Variants in STRBP observed in about 807,000 individuals in gnomAD.
STRBP encodes spermatid perinuclear RNA binding protein.
Under a neutral mutation model 80.1 loss-of-function variants are expected in STRBP, and 13 were observed. The ratio of observed to expected loss-of-function variants is 0.16; its 90% CI spans 0.11 to 0.26. The LOEUF is 0.26. Among genes scored for constraint, STRBP ranks in the 10% least tolerant of loss-of-function variants. The pLI is 1.00. For missense variants in STRBP, 485 were observed against 815.2 expected (o/e 0.59, Z 4.93); for synonymous variants, 284 against 291.2 (o/e 0.98, Z 0.25).
chr9:123,133,881 C>G (rs2036246548), intron 16 of STRBP, among the ~76,000 whole-genome samples: 1 of 152,094 alleles, frequency 6.6e-6, no homozygotes, highest in Non-Finnish European at 1.5e-5. Context: ...AAAGCCCCTT[C>G]TTTCTCTAAA....
chr9:123,191,244 G>A (rs1028617752), intron 2 of STRBP, among the ~76,000 whole-genome samples: 3 of 152,170 alleles, frequency 2.0e-5, no homozygotes, highest in Admixed American at 1.3e-4. Flanking sequence ...TCACTGCAAA[G>A]GTGGCACCTA....
chr9:123,229,066 G>C (rs554159087), intron 2 of STRBP, among the ~76,000 whole-genome samples: 5 of 152,186 alleles, frequency 3.3e-5, no homozygotes, highest in Non-Finnish European at 7.3e-5. Context: ...TATGCTAAGG[G>C]AAAGAAGCTA....
chr9:123,158,115 G>A lies in STRBP; in HGVS notation c.942C>T (p.Leu314=). ...EDITHSAQHA[L]RLSAFGQIYK... ...AAATCTGGCCAAAGGCTGATAGTCT[G>A]AGTGCATGCTAAAGAACAAAGTATT... Residue 314 remains leucine (L), a synonymous_variant, in exon 11 of 19, where the codon CTC becomes CTT. Coordinates refer to ENST00000348403, the MANE Select transcript of STRBP (RefSeq NM_018387.5). 1 of 1,609,218 alleles carries A rather than the reference G, an allele frequency of 6.2e-7. No homozygotes were observed. Among genetic ancestry groups the A allele is most frequent in the Non-Finnish European group, 8.5e-7 (1 of 1,177,112 alleles).
chr9:123,207,524 C>CA (rs2039561550), intron 2 of STRBP, among the ~76,000 whole-genome samples: 1 of 151,536 alleles, frequency 6.6e-6, no homozygotes, highest in South Asian at 2.1e-4. Flanking sequence ...AAAGTAATGA[C>CA]AAAAAATTCA....
intron 2 of STRBP, among the ~76,000 whole-genome samples, chr9:123,229,071 A>T (rs1046947590): frequency 6.6e-6 from 1 of 152,234 alleles, no homozygotes; most frequent in South Asian, 2.1e-4. Flanking sequence ...TAAGGGAAAG[A>T]AGCTAGTCAC....
chr9:123,218,373 T>C (rs1174590240), intron 2 of STRBP, among the ~76,000 whole-genome samples: 7 of 142,824 alleles, frequency 4.9e-5, no homozygotes, highest in Non-Finnish European at 6.1e-5. Context: ...TTTTTTTTTT[T>C]TTTTTTTGAG....
intron 6 of STRBP, among the ~76,000 whole-genome samples, chr9:123,167,774 C>A (rs2037831942): frequency 6.6e-6 from 1 of 152,130 alleles, no homozygotes; most frequent in Admixed American, 6.5e-5. Flanking sequence ...TTCAGTAACT[C>A]AAACACCTTG....
At chr9:123,128,118 T>TC (rs2035969198) in intron 18 of STRBP, 96 bp downstream of exon 18, 2 of 1,424,280 alleles carry the variant, frequency 1.4e-6, no homozygotes, top group Admixed American at 1.8e-5. Flanking sequence ...AAATCTGAGA[T>TC]CCTCCAATTA....
intron 1 of STRBP, among the ~76,000 whole-genome samples, chr9:123,259,657 C>T (rs1300191878): frequency 6.6e-6 from 1 of 152,014 alleles, no homozygotes; most frequent in African/African-American, 2.4e-5. Context: ...TGCGGTAAGC[C>T]GAGATCACGC....
intron 1 of STRBP, among the ~76,000 whole-genome samples, chr9:123,259,758 G>A (rs1464515765): frequency 6.6e-6 from 1 of 152,166 alleles, no homozygotes; most frequent in Admixed American, 6.6e-5. Flanking sequence ...CCACGAGGCA[G>A]TCCAATATTA....
intron 2 of STRBP, among the ~76,000 whole-genome samples, chr9:123,227,447 G>C (rs1357484544): frequency 1.3e-5 from 2 of 151,968 alleles, no homozygotes; most frequent in Non-Finnish European, 2.9e-5. Flanking sequence ...GAGGTAACAG[G>C]GTCAGATGAA....
intron 12 of STRBP, 53 bp downstream of exon 12, chr9:123,147,725 G>A: frequency 2.2e-6 from 2 of 918,320 alleles, no homozygotes; most frequent in East Asian, 3.0e-5. Flanking sequence ...TTTTCTATCT[G>A]AAGCTACAAG....
chr9:123,248,922 G>C (rs1277117098), intron 1 of STRBP, among the ~76,000 whole-genome samples: 2 of 152,196 alleles, frequency 1.3e-5, no homozygotes, highest in Non-Finnish European at 2.9e-5. Context: ...ATCTTTAGCA[G>C]TACCTAATAC....
intron 11 of STRBP, among the ~76,000 whole-genome samples, chr9:123,151,429 G>C (rs887781721): frequency 1.3e-5 from 2 of 152,150 alleles, no homozygotes; most frequent in African/African-American, 2.4e-5. Context: ...ACGACCATGT[G>C]CTGGGGCATA....
chr9:123,256,890 C>G (rs1188709620), intron 1 of STRBP, among the ~76,000 whole-genome samples: 1 of 151,904 alleles, frequency 6.6e-6, no homozygotes, highest in African/African-American at 2.4e-5. Context: ...GTGGCTCCAG[C>G]CAGGAATCTT....
intron 2 of STRBP, among the ~76,000 whole-genome samples, chr9:123,219,249 T>C (rs1265073036): frequency 6.6e-6 from 1 of 152,152 alleles, no homozygotes; most frequent in Non-Finnish European, 1.5e-5. Flanking sequence ...CTTGCTGCCA[T>C]TCCCCAAATC....
intron 6 of STRBP, 53 bp from the exon 7 acceptor site, chr9:123,161,121 CTATCAAAT>C (rs2037506879): frequency 2.4e-6 from 3 of 1,250,986 alleles, no homozygotes; most frequent in Non-Finnish European, 1.1e-6. Context: ...CAAGCGATTC[CTATCAAAT>C]TATCAAACAA....
In STRBP at chr9:123,125,195, A is replaced by C. The variant is rs1271963003; in HGVS notation, c.*402T>G. 3 of 988,688 alleles carry C rather than the reference A, an allele frequency of 3.0e-6. No individual in the cohort carries two copies. Among genetic ancestry groups the C allele is most frequent in the Non-Finnish European group, 3.6e-6 (3 of 832,072 alleles). The allele number at this position is 988,688 out of a possible 1,614,324, so 61.2% of individuals were successfully genotyped here. A position where few individuals can be genotyped will look rare whatever the true frequency, so the allele number is the denominator to read the frequency against. On this transcript the variant is annotated 3_prime_UTR_variant, in exon 19 of 19. Transcript: ENST00000348403. ...CAATCAACTAAGAATCAGTGACTGC[A>C]TCAGGAACCAGGCAGTACTCTGTGT...
At chr9:123,184,682 G>A (rs1189797995) in intron 2 of STRBP, among the ~76,000 whole-genome samples, 1 of 152,194 alleles carries the variant, frequency 6.6e-6, no homozygotes, top group Non-Finnish European at 1.5e-5. Flanking sequence ...TGAAAATTCA[G>A]TAAAGACACC....
Sources: gnomAD v4.1 joint callset for allele counts (sites outside exome capture counted in the v4.1 genomes callset) on GRCh38, gnomAD v4.1.1 for gene constraint, MANE v1.5 for transcripts, NCBI Gene and HGNC (gene_info 2026-07-23, HGNC 2026-07-21) for gene names.